The following SPECC1L variants were observed in gnomAD, a reference collection of about 807,000 sequenced individuals.
SPECC1L encodes the protein cytospin-A.
Under a neutral mutation model 116.8 loss-of-function variants are expected in SPECC1L, and 40 were observed. The ratio of observed to expected loss-of-function variants is 0.34; its 90% CI spans 0.27 to 0.45. The LOEUF (loss-of-function observed/expected upper bound fraction) is 0.45, where lower values mean the gene tolerates loss of function less well. SPECC1L is among the 20% of genes least tolerant of loss of function. The pLI is 1.00. For missense variants in SPECC1L, 1,110 were observed against 1,373.6 expected, an observed-to-expected ratio of 0.81 and a Z score of 3.03; for synonymous variants, 504 against 500.6, an observed-to-expected ratio of 1.01 and a Z score of -0.09.
chr22:24,343,514 G>A (rs1405437292), intron 10 of SPECC1L: 8 of 445,582 alleles, frequency 1.8e-5, no homozygotes, highest in Non-Finnish European at 3.1e-5. Flanking sequence ...ACGCTGGAAT[G>A]CAGTGGCGTG....
chr22:24,321,356 T>C lies in SPECC1L; in HGVS notation c.376T>C (p.Leu126=). The change falls in exon 5 of 17, where the codon TTA becomes CTA. Residue 126 remains leucine, a synonymous_variant. Coordinates refer to ENST00000314328, the MANE Select transcript of SPECC1L (RefSeq NM_015330.6). ...AGAATCCAGTTCTACTAGAGAAAGA[T>C]TACGTGAACGTACCCGATTAAACCA... ...NKESSSTRER[L]RERTRLNQSK... is the part of the protein sequence containing the mutation. 6.2e-7 allele frequency: 1 copy of C among 1,614,250 alleles called. No homozygotes were observed. Among genetic ancestry groups the C allele is most frequent in the Non-Finnish European group, 8.5e-7 (1 of 1,180,038 alleles).
At chr22:24,346,461 G>A (rs2041297953) in intron 10 of SPECC1L, among the ~76,000 whole-genome samples, 1 of 152,202 alleles carries the variant, frequency 6.6e-6, no homozygotes, top group Admixed American at 6.5e-5. Context: ...TTTGAACCAG[G>A]ACTTGAATGG....
intron 2 of SPECC1L, among the ~76,000 whole-genome samples, chr22:24,293,540 G>A (rs1204515590): frequency 1.3e-5 from 2 of 152,136 alleles, no homozygotes; most frequent in Non-Finnish European, 2.9e-5. Flanking sequence ...AGATAACCAT[G>A]AACTTATTAT....
intron 11 of SPECC1L, among the ~76,000 whole-genome samples, chr22:24,348,305 A>G (rs762714889): frequency 2.6e-5 from 4 of 152,210 alleles, no homozygotes; most frequent in Non-Finnish European, 5.9e-5. Flanking sequence ...TTGGGTCAGA[A>G]GTAAGCAGAC....
intron 14 of SPECC1L, among the ~76,000 whole-genome samples, chr22:24,380,036 A>G (rs894854432): frequency 6.6e-6 from 1 of 152,012 alleles, no homozygotes; most frequent in African/African-American, 2.4e-5. Context: ...CCGCCCAGCT[A>G]ATTTTTGTAT....
chr22:24,377,467 G>A (rs566887731), intron 14 of SPECC1L, among the ~76,000 whole-genome samples: 6 of 152,286 alleles, frequency 3.9e-5, no homozygotes, highest in Non-Finnish European at 5.9e-5. Context: ...TTACATGGAC[G>A]TATGTAGTTT....
At chr22:24,274,434 G>A (rs1371764166) in intron 1 of SPECC1L, among the ~76,000 whole-genome samples, 7 of 152,178 alleles carry the variant, frequency 4.6e-5, no homozygotes, top group African/African-American at 7.2e-5. Context: ...CAAAAGGCAC[G>A]TTTTTAAAGC....
chr22:24,362,124 A>T (rs1432683858), intron 11 of SPECC1L, among the ~76,000 whole-genome samples: 3 of 152,192 alleles, frequency 2.0e-5, no homozygotes, highest in African/African-American at 7.2e-5. Context: ...AGAAAGAACA[A>T]TTCTGGTTGT....
In SPECC1L at chr22:24,395,163, A is replaced by G. The variant is rs2042343399; in HGVS notation, c.3088-16425A>G. ...AATTTTAATAACATGCAATTTATAC[A>G]TTTTTTCTTTTATGAAGCATACATG... On this transcript the variant is annotated intron_variant, in intron 14 of 16. Coordinates refer to ENST00000314328, the MANE Select transcript of SPECC1L (RefSeq NM_015330.6). Among the ~76,000 whole-genome samples the G allele has an allele frequency of 2.6e-5, 4 of 152,152 alleles. No homozygotes were observed. In the South Asian group the frequency reaches 8.3e-4, roughly 31 times the overall value.
intron 2 of SPECC1L, among the ~76,000 whole-genome samples, chr22:24,292,151 G>A (rs1183220725): frequency 1.3e-5 from 2 of 152,182 alleles, no homozygotes; most frequent in South Asian, 2.1e-4. Flanking sequence ...CCAGGGAACG[G>A]CCTTGGAGCT....
intron 5 of SPECC1L, 148 bp downstream of exon 5, chr22:24,323,066 CT>C: frequency 7.1e-7 from 1 of 1,410,166 alleles, no homozygotes; most frequent in Non-Finnish European, 9.2e-7. Flanking sequence ...GAATGGTTTC[CT>C]TTTATTGGAA....
chr22:24,299,798 C>T (rs1262008199), intron 2 of SPECC1L, among the ~76,000 whole-genome samples: 1 of 151,918 alleles, frequency 6.6e-6, no homozygotes, highest in East Asian at 1.9e-4. Context: ...AATATATTCA[C>T]AGTATTGTGC....
At chr22:24,386,369 T>C (rs1206982697) in intron 14 of SPECC1L, among the ~76,000 whole-genome samples, 2 of 151,964 alleles carry the variant, frequency 1.3e-5, no homozygotes, top group East Asian at 3.9e-4. Flanking sequence ...AGTTTGAGAC[T>C]TGGCCTGGGC....
At chr22:24,378,704 G>A (rs1243981916) in intron 14 of SPECC1L, among the ~76,000 whole-genome samples, 3 of 152,106 alleles carry the variant, frequency 2.0e-5, no homozygotes, top group African/African-American at 7.2e-5. Context: ...GAGACAGAAT[G>A]GCTAGTCAGT....
At chr22:24,408,538 G>GC (rs1371163372) in intron 14 of SPECC1L, among the ~76,000 whole-genome samples, 1 of 152,246 alleles carries the variant, frequency 6.6e-6, no homozygotes, top group African/African-American at 2.4e-5. Flanking sequence ...CATTTAGGTA[G>GC]CCAGGTCAGA....
At chr22:24,318,904 G>A (rs1045653750) in intron 4 of SPECC1L, among the ~76,000 whole-genome samples, 6 of 151,398 alleles carry the variant, frequency 4.0e-5, no homozygotes, top group African/African-American at 1.5e-4. Context: ...CTCTAGCCTG[G>A]GTGACAGAGC....
At chr22:24,331,797 T>C (rs779629554) in intron 8 of SPECC1L, among the ~76,000 whole-genome samples, 10 of 152,202 alleles carry the variant, frequency 6.6e-5, no homozygotes, top group Non-Finnish European at 1.3e-4. Context: ...ATTGCACTCA[T>C]AGTCATTATA....
chr22:24,411,206 A>T (rs897720624), intron 14 of SPECC1L, among the ~76,000 whole-genome samples: 5 of 126,950 alleles, frequency 3.9e-5, no homozygotes, highest in African/African-American at 1.3e-4. Context: ...AAACCAAAAA[A>T]AACAAAAAAC....
At chr22:24,274,707 C>T (rs2048797642) in intron 1 of SPECC1L, among the ~76,000 whole-genome samples, 1 of 152,222 alleles carries the variant, frequency 6.6e-6, no homozygotes, top group Non-Finnish European at 1.5e-5. Context: ...CTGCCTGTAT[C>T]TTTCCAAACT....
Sources: gnomAD v4.1 joint callset for allele counts (sites outside exome capture counted in the v4.1 genomes callset) on GRCh38, gnomAD v4.1.1 for gene constraint, MANE v1.5 for transcripts, NCBI Gene and HGNC (gene_info 2026-07-23, HGNC 2026-07-21) for gene names.